The following SYT14 variants were observed in gnomAD, a reference collection of about 807,000 sequenced individuals.
The protein encoded by SYT14 is synaptotagmin 14.
In SYT14, 32 loss-of-function variants were observed where a neutral mutation model predicts 74.2. That is an observed-to-expected ratio of 0.43 (90% CI 0.33 to 0.58). The LOEUF (loss-of-function observed/expected upper bound fraction) is 0.58. Among genes scored for constraint, SYT14 ranks in the 20% least tolerant of loss-of-function variants. The pLI is 0.05. For missense variants in SYT14, 791 were observed against 981.8 expected (o/e 0.81, Z 2.60); for synonymous variants, 298 against 337.7 (o/e 0.88, Z 1.29).
chr1:210,038,972 T>C (rs1572197408), intron 5 of SYT14, among the ~76,000 whole-genome samples: 2 of 152,228 alleles, frequency 1.3e-5, no homozygotes, highest in East Asian at 3.9e-4. Context: ...CTAGTGAAGT[T>C]TTCCTCAATT....
At chr1:209,959,203 C>T (rs1362607721) in intron 2 of SYT14, among the ~76,000 whole-genome samples, 2 of 151,992 alleles carry the variant, frequency 1.3e-5, no homozygotes, top group Admixed American at 1.3e-4. Context: ...AGTGCAGTGG[C>T]GTGATCTCAG....
In SYT14 at chr1:209,990,549, G is replaced by GTATA; in HGVS notation, c.-485-23077_-485-23074dup. On this transcript the variant is annotated intron_variant, in intron 2 of 9. Coordinates refer to ENST00000637265, the Ensembl canonical transcript of SYT14. ...CATATATATATATACGTATATATAT[G>GTATA]TATATATATACGTATATATATGTAT... 3.6e-3 allele frequency among the ~76,000 whole-genome samples: 205 copies of GTATA among 56,838 alleles called. 1 individual carries two copies. Among genetic ancestry groups the GTATA allele is most frequent in the Middle Eastern group, 0.01 (1 of 98 alleles). The allele number at this position is 56,838 out of a possible 152,430, so 37.3% of individuals were successfully genotyped here.
chr1:210,065,867 C>G (rs2081285840), intron 5 of SYT14, among the ~76,000 whole-genome samples: 1 of 151,198 alleles, frequency 6.6e-6, no homozygotes, highest in East Asian at 2.0e-4. Context: ...CTAATGCTTT[C>G]CCTCCCCCTT....
At chr1:209,945,499 T>C (rs941195573) in intron 1 of SYT14, among the ~76,000 whole-genome samples, 1 of 152,212 alleles carries the variant, frequency 6.6e-6, no homozygotes, top group African/African-American at 2.4e-5. Context: ...ATGCTTACGA[T>C]GTACAGTGTA....
chr1:210,099,557 A>G (rs1410962418), intron 6 of SYT14, among the ~76,000 whole-genome samples: 2 of 152,158 alleles, frequency 1.3e-5, no homozygotes, highest in Non-Finnish European at 2.9e-5. Flanking sequence ...TTTTAGAACA[A>G]TCTCTGAAAA....
chr1:209,982,906 G>T (rs553861503), intron 2 of SYT14, among the ~76,000 whole-genome samples: 1 of 152,240 alleles, frequency 6.6e-6, no homozygotes, highest in African/African-American at 2.4e-5. Context: ...GGTATGTGGT[G>T]GTGTCTCTGT....
At chr1:210,061,059 C>T (rs2081199632) in intron 5 of SYT14, among the ~76,000 whole-genome samples, 1 of 151,904 alleles carries the variant, frequency 6.6e-6, no homozygotes, top group Non-Finnish European at 1.5e-5. Flanking sequence ...GACTTCCATG[C>T]CTTTATTGTA....
At chr1:210,001,368 T>C (rs958903106) in intron 2 of SYT14, among the ~76,000 whole-genome samples, 45 of 152,290 alleles carry the variant, frequency 3.0e-4, no homozygotes, top group Admixed American at 2.4e-3. Flanking sequence ...TATCAGTTGA[T>C]TTTCTAATGT....
chr1:210,093,985 A>G lies in SYT14; in HGVS notation c.1313-337A>G, dbSNP rs143100299. Among the ~76,000 whole-genome samples the G allele has an allele frequency of 9.0e-3, 1,366 of 152,180 alleles. 23 individuals carry two copies. The highest frequency in any genetic ancestry group is 0.03 in the African/African-American group (1,266 of 41,512). On this transcript the variant is annotated intron_variant, in intron 5 of 9. Transcript: ENST00000637265. The stretch of plus-strand genomic sequence containing the variant: ...TAGGGTGGCCACAGATCATGGGGTA[A>G]TAGATGAAGTATGTATACATCGGGA...
chr1:210,101,689 C>CGGG (rs139454125), intron 7 of SYT14, among the ~76,000 whole-genome samples: 1 of 148,334 alleles, frequency 6.7e-6, no homozygotes, highest in African/African-American at 2.5e-5. Flanking sequence ...GGCAATATTT[C>CGGG]GGAGGGGGGA....
intron 7 of SYT14, among the ~76,000 whole-genome samples, chr1:210,126,227 C>T (rs780743660): frequency 7.3e-5 from 11 of 151,668 alleles, no homozygotes; most frequent in Non-Finnish European, 1.2e-4. Context: ...AGAAAGGCAA[C>T]ATCCACTTAC....
intron 5 of SYT14, among the ~76,000 whole-genome samples, chr1:210,026,776 A>T (rs2102976397): frequency 7.2e-6 from 1 of 138,686 alleles, no homozygotes; most frequent in African/African-American, 2.9e-5. Flanking sequence ...CTTTTATAAT[A>T]ATTTAATATT....
At chr1:210,067,739 G>A (rs1485912697) in intron 5 of SYT14, among the ~76,000 whole-genome samples, 2 of 151,852 alleles carry the variant, frequency 1.3e-5, no homozygotes, top group Non-Finnish European at 2.9e-5. Flanking sequence ...TTGGCAATCT[G>A]ATAGGTGGTA....
chr1:210,022,798 G>A, intron 5 of SYT14, among the ~76,000 whole-genome samples: 1 of 152,124 alleles, frequency 6.6e-6, no homozygotes, highest in African/African-American at 2.4e-5. Flanking sequence ...AGCAAGCCCT[G>A]AGTGTGCATT....
rs202209625 is a variant in SYT14, at chr1:210,146,757, TATATATACTAC to T, written c.2035-8949_2035-8939del. 7.1e-3 allele frequency among the ~76,000 whole-genome samples: 1,067 copies of T among 151,310 alleles called. 12 individuals are homozygous for T. The highest frequency in any genetic ancestry group is 0.022 in the African/African-American group (889 of 41,280). Reference sequence around the variant, plus strand: ...TATATGTATACTACATACTATATGTTATATATACTACATATATACTACATACATACTATATG... The same window carrying T: ...TATATGTATACTACATACTATATGTTATATATACTACATACATACTATATG... On this transcript the variant is annotated intron_variant, in intron 7 of 9. Coordinates refer to ENST00000637265, the Ensembl canonical transcript of SYT14.
chr1:210,097,728 T>A (rs965179953), intron 6 of SYT14, among the ~76,000 whole-genome samples: 1 of 152,216 alleles, frequency 6.6e-6, no homozygotes, highest in African/African-American at 2.4e-5. Flanking sequence ...CTCTAAACCG[T>A]AAATTTTTTA....
intron 5 of SYT14, among the ~76,000 whole-genome samples, chr1:210,092,389 T>A (rs2081885771): frequency 6.6e-6 from 1 of 152,188 alleles, no homozygotes; most frequent in Admixed American, 6.6e-5. Flanking sequence ...AGAGTCTACC[T>A]GCTTTTATCA....
At chr1:210,011,570 C>T (rs78396507) in intron 2 of SYT14, among the ~76,000 whole-genome samples, 4,050 of 152,218 alleles carry the variant, frequency 0.027, 192 homozygotes, top group African/African-American at 0.091. Context: ...CACCATTGAC[C>T]CAGCTTTGAA....
intron 2 of SYT14, among the ~76,000 whole-genome samples, chr1:209,980,121 T>C (rs1277139861): frequency 1.3e-5 from 2 of 152,196 alleles, no homozygotes; most frequent in African/African-American, 2.4e-5. Context: ...CCAGCATCTG[T>C]TATTTTTTGA....
Sources: gnomAD v4.1 joint callset for allele counts (sites outside exome capture counted in the v4.1 genomes callset) on GRCh38, gnomAD v4.1.1 for gene constraint, MANE v1.5 for transcripts, NCBI Gene and HGNC (gene_info 2026-07-23, HGNC 2026-07-21) for gene names.